The following STAU1 variants were observed in gnomAD, a reference collection of about 807,000 sequenced individuals.
STAU1 encodes double-stranded RNA-binding protein Staufen homolog 1.
A neutral mutation model predicts 62.9 loss-of-function variants in STAU1; 13 were observed. That is an observed-to-expected ratio of 0.21 (90% CI 0.13 to 0.33). STAU1 has a LOEUF of 0.33. Ranked by LOEUF, STAU1 falls within the 10% of genes least tolerant of loss-of-function variation. STAU1 has a pLI of 1.00. For missense variants in STAU1, 571 were observed against 712.1 expected (o/e 0.80, Z 2.25); for synonymous variants, 269 against 265.1 (o/e 1.01, Z -0.14).
chr20:49,157,393 C>G (rs545057326), intron 3 of STAU1, among the ~76,000 whole-genome samples: 1 of 151,872 alleles, frequency 6.6e-6, no homozygotes, highest in Non-Finnish European at 1.5e-5. Context: ...AATCATAGCT[C>G]ACTGCAGCCT....
chr20:49,170,063 A>G (rs1255389254), intron 2 of STAU1, among the ~76,000 whole-genome samples: 2 of 152,222 alleles, frequency 1.3e-5, no homozygotes, highest in African/African-American at 4.8e-5. Context: ...ATCTGGGCAC[A>G]TGAGCGCTAC....
At chr20:49,131,524 G>GA (rs1485831530) in intron 6 of STAU1, among the ~76,000 whole-genome samples, 1 of 152,078 alleles carries the variant, frequency 6.6e-6, no homozygotes, top group African/African-American at 2.4e-5. Flanking sequence ...GTAAAAAACA[G>GA]AAAATAATAT....
At chr20:49,164,715 C>T (rs2093499717) in intron 3 of STAU1, among the ~76,000 whole-genome samples, 1 of 151,960 alleles carries the variant, frequency 6.6e-6, no homozygotes, top group South Asian at 2.1e-4. Context: ...TGCAGTGAAC[C>T]ATAATCTCAC....
chr20:49,136,272 C>T (rs925395328), intron 5 of STAU1, among the ~76,000 whole-genome samples: 4 of 152,174 alleles, frequency 2.6e-5, no homozygotes, highest in Non-Finnish European at 5.9e-5. Context: ...CACTGCACTC[C>T]AGCCTGGGTG....
intron 1 of STAU1, among the ~76,000 whole-genome samples, chr20:49,187,757 G>A (rs1333398176): frequency 7.2e-6 from 1 of 139,756 alleles, no homozygotes; most frequent in African/African-American, 2.8e-5. Flanking sequence ...CCAGCCCTCG[G>A]GGACCTGAAG....
intron 6 of STAU1, among the ~76,000 whole-genome samples, chr20:49,133,536 C>T (rs1407193984): frequency 6.6e-6 from 1 of 152,206 alleles, no homozygotes; most frequent in Non-Finnish European, 1.5e-5. Context: ...TGGGATGCAG[C>T]TCCCATCTTT....
At chr20:49,208,930 CT>C in the STAU1 span, among the ~76,000 whole-genome samples, 6 of 144,768 alleles carry the variant, frequency 4.1e-5, no homozygotes, top group African/African-American at 2.5e-5. Flanking sequence ...CCGATCCTGT[CT>C]TTTTTTTTTA....
Position 49,180,502 on chromosome 20 carries a change from T to A in STAU1, c.-159-6233A>T, listed in dbSNP as rs530770094. ...CCACACCCAGCTAATTTTTGTATTT[T>A]TAGTAGAGATGGGGTTTCACCATGT... On this transcript the variant is annotated intron_variant, in intron 1 of 13. Transcript: ENST00000371856. 8.5e-5 allele frequency among the ~76,000 whole-genome samples: 13 copies of A among 152,260 alleles called. No homozygotes were observed. The South Asian group carries it at 2.7e-3, about 32-fold the overall frequency.
chr20:49,133,789 C>A (rs188020353), intron 6 of STAU1, among the ~76,000 whole-genome samples: 1 of 152,172 alleles, frequency 6.6e-6, no homozygotes, highest in Non-Finnish European at 1.5e-5. Flanking sequence ...TGGAGAGGAA[C>A]AAACAAGCCC....
At chr20:49,135,148 T>C (rs958332463) in intron 6 of STAU1, 6 of 758,664 alleles carry the variant, frequency 7.9e-6, no homozygotes, top group Non-Finnish European at 1.4e-5. Flanking sequence ...GAAAAACTCT[T>C]GATCAAGAAT....
In STAU1 at chr20:49,113,594, GT is replaced by G. The variant is rs2092232713; in HGVS notation, c.*1283del. On this transcript the variant is annotated 3_prime_UTR_variant, in exon 14 of 14. Transcript: ENST00000371856. ...ATTCCATGGGGAGAAAAATTCCAGCGTAAACAATGAATGGAAGCAGTACTTA... is the reference window on the plus strand; with the variant it reads ...ATTCCATGGGGAGAAAAATTCCAGCGAAACAATGAATGGAAGCAGTACTTA... 2 of 152,572 alleles carry G rather than the reference GT, an allele frequency of 1.3e-5. No homozygotes were observed. Among genetic ancestry groups the G allele is most frequent in the Non-Finnish European group, 2.9e-5 (2 of 68,030 alleles). The allele number at this position is 152,572 out of a possible 1,614,324, so 9.5% of individuals were successfully genotyped here. A position where few individuals can be genotyped will look rare whatever the true frequency, so the allele number is the denominator to read the frequency against.
chr20:49,120,137 A>G lies in STAU1; in HGVS notation c.967-9T>C, dbSNP rs2092430809. 9 of 1,611,584 alleles carry G rather than the reference A, an allele frequency of 5.6e-6. No homozygotes were observed. Among genetic ancestry groups the G allele is most frequent in the Non-Finnish European group, 7.6e-6 (9 of 1,178,194 alleles). ...TGGTTTCCAACCTTCACCTGCACAAAGAAGTCAAAACACAGACCAGTGCTT... is the reference window on the plus strand; with the variant it reads ...TGGTTTCCAACCTTCACCTGCACAAGGAAGTCAAAACACAGACCAGTGCTT... On this transcript the variant is annotated splice_polypyrimidine_tract_variant and intron_variant, in intron 8 of 13. Coordinates refer to ENST00000371856, the MANE Select transcript of STAU1 (RefSeq NM_017453.4).
chr20:49,206,070 G>A, the STAU1 span, among the ~76,000 whole-genome samples: 2 of 144,666 alleles, frequency 1.4e-5, no homozygotes, highest in South Asian at 2.2e-4. Context: ...TGTAATCTCC[G>A]CCTCCTGGGT....
At chr20:49,206,131 C>T in the STAU1 span, among the ~76,000 whole-genome samples, 16 of 149,458 alleles carry the variant, frequency 1.1e-4, no homozygotes, top group Non-Finnish European at 1.9e-4. Context: ...TACAGGCGCT[C>T]GCCACCACGC....
the STAU1 span, among the ~76,000 whole-genome samples, chr20:49,215,475 T>C: frequency 1.2e-4 from 18 of 152,244 alleles, no homozygotes; most frequent in Non-Finnish European, 2.1e-4. Flanking sequence ...ACTTACACTT[T>C]AGATTCATGA....
Position 49,117,791 on chromosome 20 carries a change from C to T in STAU1, c.1495G>A (p.Val499Ile). 1 of 1,611,072 alleles carries T rather than the reference C, an allele frequency of 6.2e-7. No homozygotes were observed. Among genetic ancestry groups the T allele is most frequent in the East Asian group, 2.2e-5 (1 of 44,844 alleles). ...PSEQLDYLSR[V>I]QGFQVEYKDF... ...CAGACAGTTACCTGGAATCCCTGGA[C>T]TCTGGAAAGATAGTCCAGTTGCTCA... Residue 499 changes from valine (V) to isoleucine (I), a missense_variant, in exon 11 of 14, where the codon GTC becomes ATC. Transcript: ENST00000371856. The surrounding 1 kb of genome is among the most constrained non-coding windows in gnomAD (Gnocchi z 4.6).
chr20:49,211,390 A>G, the STAU1 span, among the ~76,000 whole-genome samples: 56 of 148,374 alleles, frequency 3.8e-4, 1 homozygote, highest in Admixed American at 2.0e-4. Context: ...CTTTTAATAG[A>G]GGCAGGGTCT....
At chr20:49,161,247 A>G (rs1312123343) in intron 3 of STAU1, among the ~76,000 whole-genome samples, 1 of 152,078 alleles carries the variant, frequency 6.6e-6, no homozygotes, top group East Asian at 1.9e-4. Context: ...GGATTGCTTA[A>G]GCCTGGGAGG....
chr20:49,165,859 T>A, intron 3 of STAU1, 138 bp downstream of exon 3: 1 of 805,772 alleles, frequency 1.2e-6, no homozygotes, highest in Non-Finnish European at 2.0e-6. Flanking sequence ...ATATCTGGGA[T>A]AAAGAAGTGT....
Sources: gnomAD v4.1 joint callset for allele counts (sites outside exome capture counted in the v4.1 genomes callset) on GRCh38, gnomAD v4.1.1 for gene constraint, Gnocchi (gnomAD v3.1) non-coding constraint, MANE v1.5 for transcripts, NCBI Gene and HGNC (gene_info 2026-07-23, HGNC 2026-07-21) for gene names.